Variants in HMBOX1 observed in about 807,000 individuals in gnomAD.
The protein encoded by HMBOX1 is homeobox-containing protein 1.
A neutral mutation model predicts 54.5 loss-of-function variants in HMBOX1; 14 were observed. The ratio of observed to expected loss-of-function variants is 0.26; its 90% CI spans 0.17 to 0.40. The LOEUF is 0.40. HMBOX1 is among the 10% of genes least tolerant of loss of function. The pLI is 1.00. For missense variants in HMBOX1, 332 were observed against 514.4 expected (o/e 0.65, Z 3.43); for synonymous variants, 160 against 181.0 (o/e 0.88, Z 0.93).
chr8:28,914,205 A>G (rs937226145), intron 1 of HMBOX1, among the ~76,000 whole-genome samples: 6 of 152,164 alleles, frequency 3.9e-5, no homozygotes, highest in Non-Finnish European at 8.8e-5. Flanking sequence ...CTTGTATTAA[A>G]TAAAATCAGC....
At chr8:28,901,167 C>CG (rs1813168361) in intron 1 of HMBOX1, among the ~76,000 whole-genome samples, 2 of 152,014 alleles carry the variant, frequency 1.3e-5, no homozygotes, top group South Asian at 4.1e-4. Flanking sequence ...GTTCTTTTTC[C>CG]TAGGTAATAC....
intron 3 of HMBOX1, among the ~76,000 whole-genome samples, chr8:28,975,695 G>C (rs1277123569): frequency 6.6e-6 from 1 of 152,148 alleles, no homozygotes. Flanking sequence ...AGATCAGCCC[G>C]CTCTTCACTT....
At chr8:29,006,922 T>C (rs897264348) in intron 4 of HMBOX1, among the ~76,000 whole-genome samples, 19 of 152,230 alleles carry the variant, frequency 1.2e-4, no homozygotes, top group Non-Finnish European at 2.2e-4. Context: ...GAAGAATCCA[T>C]GTAAAATAAT....
chr8:28,985,304 GTC>G (rs1362264991), intron 4 of HMBOX1, among the ~76,000 whole-genome samples: 8 of 152,158 alleles, frequency 5.3e-5, no homozygotes, highest in African/African-American at 1.9e-4. Context: ...GGGGGAACGG[GTC>G]TCTCTTGGGT....
intron 6 of HMBOX1, among the ~76,000 whole-genome samples, chr8:29,024,817 C>T (rs2133085145): frequency 6.6e-6 from 1 of 152,208 alleles, no homozygotes; most frequent in East Asian, 1.9e-4. Context: ...GGTCCCTAAC[C>T]CCTGGGCTGT....
chr8:28,917,627 G>T (rs1479134459), intron 1 of HMBOX1, among the ~76,000 whole-genome samples: 1 of 152,022 alleles, frequency 6.6e-6, no homozygotes, highest in Non-Finnish European at 1.5e-5. Context: ...TCTGTTTTCA[G>T]TGTTAAGGCA....
intron 1 of HMBOX1, among the ~76,000 whole-genome samples, chr8:28,960,006 GT>G (rs1006644655): frequency 1.1e-4 from 17 of 151,334 alleles, no homozygotes; most frequent in Admixed American, 2.0e-4. Context: ...AATCTTACCA[GT>G]TTTTTTCTCT....
At chr8:28,908,773 A>C (rs1309246349) in intron 1 of HMBOX1, among the ~76,000 whole-genome samples, 2 of 152,084 alleles carry the variant, frequency 1.3e-5, no homozygotes, top group Non-Finnish European at 2.9e-5. Flanking sequence ...CTTAAAAAAA[A>C]ACCTGGGTTA....
intron 3 of HMBOX1, among the ~76,000 whole-genome samples, chr8:28,973,996 TAG>T (rs1422062336): frequency 1.2e-4 from 18 of 151,844 alleles, no homozygotes; most frequent in African/African-American, 3.9e-4. Context: ...GTATTTTTAG[TAG>T]AGACGGGATT....
At chr8:29,039,843 A>G (rs1804567392) in intron 6 of HMBOX1, among the ~76,000 whole-genome samples, 1 of 152,118 alleles carries the variant, frequency 6.6e-6, no homozygotes, top group Admixed American at 6.6e-5. Flanking sequence ...AAAGCAGGAC[A>G]CTCTGGGGGA....
rs1026849045 is a variant in HMBOX1, at chr8:29,021,721, G to A, written c.851+2808G>A. Among the ~76,000 whole-genome samples, 14 of 151,856 alleles carry A rather than the reference G, an allele frequency of 9.2e-5. No homozygotes were observed. In the East Asian group the frequency reaches 1.2e-3, roughly 13 times the overall value. ...ATAGAAAAAAAAAAATTAGCCGGGCGTGGTGGCGGGCACCTGTAGTCCCAG... is the reference window on the plus strand; with the variant it reads ...ATAGAAAAAAAAAAATTAGCCGGGCATGGTGGCGGGCACCTGTAGTCCCAG... On this transcript the variant is annotated intron_variant, in intron 6 of 9. Coordinates refer to ENST00000287701, the MANE Select transcript of HMBOX1 (RefSeq NM_001135726.3).
At chr8:29,050,849 C>T (rs916881721) in intron 9 of HMBOX1, among the ~76,000 whole-genome samples, 169 bp from the exon 10 acceptor site, 2 of 152,050 alleles carry the variant, frequency 1.3e-5, no homozygotes, top group African/African-American at 2.4e-5. Context: ...ATCTTTGGAC[C>T]TATATCCATT....
In HMBOX1 at chr8:29,048,973, T is replaced by C. The variant is rs1236348920; in HGVS notation, c.1050T>C (p.Ser350=). The change falls in exon 9 of 10, where the codon AGT becomes AGC. Residue 350 remains serine (S), a synonymous_variant. Coordinates refer to ENST00000287701, the MANE Select transcript of HMBOX1 (RefSeq NM_001135726.3). ...RANIEAAILE[S]HGIDVQSPGG... ...TCGAAGAAGCAGCAATCCTGGAGAG[T>C]CATGGGATAGATGTGCAGAGTCCAG... 5.6e-6 allele frequency: 9 copies of C among 1,612,078 alleles called. No homozygotes were observed. Among genetic ancestry groups the C allele is most frequent in the Non-Finnish European group, 7.6e-6 (9 of 1,178,782 alleles).
At chr8:28,912,840 G>A (rs1402067191) in intron 1 of HMBOX1, among the ~76,000 whole-genome samples, 2 of 152,026 alleles carry the variant, frequency 1.3e-5, no homozygotes, top group South Asian at 4.2e-4. Context: ...CTTTATACTA[G>A]ATATTTCTTT....
intron 3 of HMBOX1, among the ~76,000 whole-genome samples, chr8:28,972,865 C>G (rs1257269536): frequency 1.3e-5 from 2 of 152,026 alleles, no homozygotes; most frequent in Non-Finnish European, 2.9e-5. Flanking sequence ...TAGTTAAATC[C>G]CATAATTACA....
intron 6 of HMBOX1, among the ~76,000 whole-genome samples, chr8:29,030,767 C>T (rs913195480): frequency 1.3e-5 from 2 of 152,184 alleles, no homozygotes; most frequent in East Asian, 1.9e-4. Context: ...AACAAAATCA[C>T]GTCCATAACT....
chr8:28,957,919 C>G (rs1465661396), intron 1 of HMBOX1, among the ~76,000 whole-genome samples: 1 of 152,170 alleles, frequency 6.6e-6, no homozygotes, highest in Non-Finnish European at 1.5e-5. Flanking sequence ...TGCCACCACG[C>G]CCAGCCTAGG....
chr8:29,023,903 G>A (rs555431259), intron 6 of HMBOX1, among the ~76,000 whole-genome samples: 1 of 152,186 alleles, frequency 6.6e-6, no homozygotes, highest in African/African-American at 2.4e-5. Context: ...ATCTCTGGGT[G>A]TAGAGCCTAG....
intron 4 of HMBOX1, among the ~76,000 whole-genome samples, chr8:29,003,515 T>C (rs11778275): frequency 4.4e-5 from 5 of 112,580 alleles, no homozygotes; most frequent in Non-Finnish European, 9.5e-5. Flanking sequence ...TATATATATA[T>C]ATGCATGCAT....
Sources: allele counts gnomAD v4.1 joint callset (sites outside exome capture counted in the v4.1 genomes callset), GRCh38; gene constraint gnomAD v4.1.1; transcripts MANE v1.5; gene names NCBI Gene and HGNC (gene_info 2026-07-23, HGNC 2026-07-21).